The following CLIP4 variants were observed in gnomAD, a reference collection of about 807,000 sequenced individuals.
CLIP4 encodes CAP-Gly domain-containing linker protein 4.
CLIP4 carries 47 observed loss-of-function variants against 73.1 expected under a neutral mutation model. The observed-to-expected ratio is 0.64, with a 90% CI of 0.51 to 0.82. CLIP4 has a LOEUF of 0.82. CLIP4 is among the 40% of genes least tolerant of loss of function. CLIP4 has a pLI of 0.00. For synonymous variants in CLIP4, 306 were observed against 295.4 expected (o/e 1.04, Z -0.37); for missense variants, 874 against 852.9 (o/e 1.02, Z -0.31).
chr2:29,148,288 C>G (rs1262223754), intron 8 of CLIP4, among the ~76,000 whole-genome samples: 1 of 152,202 alleles, frequency 6.6e-6, no homozygotes, highest in Non-Finnish European at 1.5e-5. Flanking sequence ...GGTTTTCTCT[C>G]TTTCCAAATC....
intron 2 of CLIP4, 93 bp from the exon 3 acceptor site, chr2:29,131,165 G>C: frequency 9.2e-7 from 1 of 1,083,082 alleles, no homozygotes; most frequent in Non-Finnish European, 1.3e-6. Flanking sequence ...TAAAATATTT[G>C]TATCATTTGA....
intron 15 of CLIP4, among the ~76,000 whole-genome samples, chr2:29,177,151 A>G (rs1252511207): frequency 1.3e-5 from 2 of 152,074 alleles, no homozygotes; most frequent in African/African-American, 2.4e-5. Flanking sequence ...GCTCATGCCT[A>G]TAATCTCAAC....
intron 12 of CLIP4, among the ~76,000 whole-genome samples, chr2:29,163,262 G>GT (rs1667403934): frequency 6.7e-6 from 1 of 149,936 alleles, no homozygotes; most frequent in African/African-American, 2.5e-5. Context: ...TTTCATTTAG[G>GT]TAAAAAAAAA....
chr2:29,152,817 A>G lies in CLIP4; in HGVS notation c.1154A>G (p.Lys385Arg). The part of the protein sequence containing the change: ...QKIDVAHVTS[K>R]VNTGLMTSKK... Reference sequence around the variant, plus strand: ...ATTGACGTAGCTCATGTGACGTCAAAAGTAAATACTGGTAGGTCAAACCAG... The same window carrying G: ...ATTGACGTAGCTCATGTGACGTCAAGAGTAAATACTGGTAGGTCAAACCAG... Residue 385 changes from lysine to arginine, a missense_variant, in exon 9 of 16, where the codon AAA becomes AGA. Transcript: ENST00000320081. The G allele has an allele frequency of 6.2e-7, 1 of 1,613,380 alleles. No individual in the cohort carries two copies. Among genetic ancestry groups the G allele is most frequent in the South Asian group, 1.1e-5 (1 of 90,876 alleles).
intron 4 of CLIP4, among the ~76,000 whole-genome samples, chr2:29,133,344 G>T (rs1230364862): frequency 6.6e-6 from 1 of 152,128 alleles, no homozygotes; most frequent in South Asian, 2.1e-4. Context: ...GATCTGCTGT[G>T]TTGTTGTTGA....
intron 1 of CLIP4, among the ~76,000 whole-genome samples, chr2:29,105,495 A>C (rs1359323426): frequency 1.3e-5 from 2 of 151,964 alleles, no homozygotes; most frequent in African/African-American, 2.4e-5. Flanking sequence ...CTCTTTAGAA[A>C]CCCATGCTGG....
intron 6 of CLIP4, among the ~76,000 whole-genome samples, chr2:29,137,273 A>C (rs1298186035): frequency 2.0e-5 from 3 of 152,130 alleles, no homozygotes; most frequent in Non-Finnish European, 4.4e-5. Context: ...AAGTGAGAAC[A>C]TGCATTATTT....
intron 2 of CLIP4, among the ~76,000 whole-genome samples, chr2:29,126,947 A>G (rs1664646943): frequency 6.6e-6 from 1 of 152,212 alleles, no homozygotes; most frequent in African/African-American, 2.4e-5. Flanking sequence ...TGCCTCAAAG[A>G]CAATAAACAG....
intron 14 of CLIP4, among the ~76,000 whole-genome samples, chr2:29,173,540 G>A (rs909039775): frequency 3.9e-5 from 6 of 152,100 alleles, no homozygotes; most frequent in Non-Finnish European, 8.8e-5. Flanking sequence ...GGTATAAGAT[G>A]GTCAATTACT....
At chr2:29,175,931 T>G (rs1195681049) in intron 15 of CLIP4, among the ~76,000 whole-genome samples, 4 of 151,950 alleles carry the variant, frequency 2.6e-5, no homozygotes. Context: ...CCGGCTAATT[T>G]TTTGTATTTT....
chr2:29,171,309 A>G, intron 14 of CLIP4, among the ~76,000 whole-genome samples: 1 of 152,050 alleles, frequency 6.6e-6, no homozygotes, highest in Non-Finnish European at 1.5e-5. Context: ...GAGACTTTGT[A>G]CATGTTTTGT....
intron 9 of CLIP4, among the ~76,000 whole-genome samples, chr2:29,154,604 G>C (rs1666798773): frequency 6.6e-6 from 1 of 152,184 alleles, no homozygotes; most frequent in Non-Finnish European, 1.5e-5. Flanking sequence ...AGAATACCGG[G>C]AAGGGATGCC....
At chr2:29,148,784 A>G (rs1666347468) in intron 8 of CLIP4, among the ~76,000 whole-genome samples, 1 of 152,238 alleles carries the variant, frequency 6.6e-6, no homozygotes, top group Non-Finnish European at 1.5e-5. Flanking sequence ...CCTTAAATAT[A>G]CTGAGAGAAT....
intron 15 of CLIP4, among the ~76,000 whole-genome samples, chr2:29,177,219 G>A (rs1299915818): frequency 6.6e-6 from 1 of 151,914 alleles, no homozygotes. Flanking sequence ...GATCATCTTG[G>A]CCAACATGGT....
chr2:29,131,655 G>A (rs1457181093), intron 3 of CLIP4: 6 of 305,016 alleles, frequency 2.0e-5, no homozygotes, highest in Non-Finnish European at 3.0e-5. Context: ...TTCCTTCTTT[G>A]TAAAATTAAT....
At chr2:29,157,087 A>T in intron 10 of CLIP4, 117 bp from the exon 11 acceptor site, 1 of 831,582 alleles carries the variant, frequency 1.2e-6, no homozygotes, top group Non-Finnish European at 2.0e-6. Context: ...ATTTGACACT[A>T]GATAATCCAT....
chr2:29,157,573 G>T (rs866828635), intron 11 of CLIP4, among the ~76,000 whole-genome samples: 11 of 152,180 alleles, frequency 7.2e-5, no homozygotes, highest in South Asian at 4.2e-4. Context: ...ATTCTTAGTG[G>T]TTTTACCTCA....
rs1299399151 is a variant in CLIP4 at position 29,182,723 on chromosome 2, T to G, written c.*830T>G. ...ATGAATTCAAGTAATAATTAGATTT[T>G]TTTTGCACAGACTTACTTAACTTCC... is the stretch of plus-strand genomic sequence containing the variant. On this transcript the variant is annotated 3_prime_UTR_variant, in exon 16 of 16. Coordinates refer to ENST00000320081, the MANE Select transcript of CLIP4 (RefSeq NM_024692.6). The G allele has an allele frequency of 6.6e-6, 1 of 152,664 alleles. No individual in the cohort carries two copies. The allele number at this position is 152,664 out of a possible 1,614,324, so 9.5% of individuals were successfully genotyped here. A position where few individuals can be genotyped will look rare whatever the true frequency, so the allele number is the denominator to read the frequency against.
At chr2:29,178,981 G>C (rs1668500865) in intron 15 of CLIP4, among the ~76,000 whole-genome samples, 1 of 152,080 alleles carries the variant, frequency 6.6e-6, no homozygotes, top group African/African-American at 2.4e-5. Context: ...TTTTTGTACA[G>C]CCAGGGTTTC....
Sources: allele counts gnomAD v4.1 joint callset (sites outside exome capture counted in the v4.1 genomes callset), GRCh38; gene constraint gnomAD v4.1.1; transcripts MANE v1.5; gene names NCBI Gene and HGNC (gene_info 2026-07-23, HGNC 2026-07-21).